CORIN: variants seen among roughly 807,000 people sequenced by gnomAD.
CORIN encodes corin, serine peptidase.
In CORIN, 117 loss-of-function variants were observed where a neutral mutation model predicts 125.3. The observed-to-expected ratio is 0.93, with a 90% CI of 0.80 to 1.09. The LOEUF (loss-of-function observed/expected upper bound fraction) is 1.09. Ranked by LOEUF, CORIN falls within the 50% of genes least tolerant of loss-of-function variation. The pLI, the probability that CORIN is intolerant of heterozygous loss-of-function variation, is 0.00. For missense variants in CORIN, 1,253 were observed against 1,306.7 expected (o/e 0.96, Z 0.63); for synonymous variants, 450 against 466.4 (o/e 0.96, Z 0.45).
At position 47,594,941 on chromosome 4, in the gene CORIN, C is replaced by T. The variant is rs1721195069; in HGVS notation, c.*780G>A. ...TTGATATACATCCAGAATGGGGGGT[C>T]CAATAATGTCAAGTGTTAATATTGA... On this transcript the variant is annotated 3_prime_UTR_variant, in exon 22 of 22. Coordinates refer to ENST00000273857, the MANE Select transcript of CORIN (RefSeq NM_006587.4). The T allele has an allele frequency of 6.6e-6, 1 of 152,056 alleles. No individual in the cohort carries two copies. The highest frequency in any genetic ancestry group is 2.4e-5 in the African/African-American group (1 of 41,402). 9.4% of individuals were successfully genotyped at this position (152,056 alleles called of 1,614,324 possible).
At chr4:47,664,706 T>C (rs1724394953) in intron 11 of CORIN, among the ~76,000 whole-genome samples, 1 of 152,174 alleles carries the variant, frequency 6.6e-6, no homozygotes, top group Non-Finnish European at 1.5e-5. Context: ...AAGAGGCAGA[T>C]ATATCCCTTT....
At chr4:47,673,947 G>T (rs139744411) in intron 10 of CORIN, among the ~76,000 whole-genome samples, 1 of 151,980 alleles carries the variant, frequency 6.6e-6, no homozygotes, top group South Asian at 2.1e-4. Context: ...CTCCAGCCTC[G>T]GTGACAGAGT....
Position 47,790,771 on chromosome 4 carries a change from C to T in CORIN, c.209-3846G>A, listed in dbSNP as rs111342985. 3.0e-3 allele frequency among the ~76,000 whole-genome samples: 459 copies of T among 152,192 alleles called. 3 individuals carry two copies. Among genetic ancestry groups the T allele is most frequent in the African/African-American group, 0.01 (425 of 41,504 alleles). ...TTACTATAAGTGGATCCCAGTGTCA[C>T]AAAATGGCTAACTTTCAGAAGTGAA... On this transcript the variant is annotated intron_variant, in intron 2 of 21. Coordinates refer to ENST00000273857, the MANE Select transcript of CORIN (RefSeq NM_006587.4).
At chr4:47,648,473 T>C (rs1389153984) in intron 13 of CORIN, among the ~76,000 whole-genome samples, 1 of 152,210 alleles carries the variant, frequency 6.6e-6, no homozygotes, top group Non-Finnish European at 1.5e-5. Context: ...TAAGCATTCA[T>C]CTGGGTTTTT....
intron 3 of CORIN, among the ~76,000 whole-genome samples, chr4:47,766,843 G>A (rs555183341): frequency 6.3e-4 from 96 of 151,698 alleles, no homozygotes; most frequent in Non-Finnish European, 1.2e-3. Flanking sequence ...CTACTCGGGA[G>A]GCTGAGGCAG....
At chr4:47,615,219 G>A (rs1475644206) in intron 19 of CORIN, among the ~76,000 whole-genome samples, 2 of 152,210 alleles carry the variant, frequency 1.3e-5, no homozygotes, top group African/African-American at 4.8e-5. Context: ...AAAGTGCTGG[G>A]ACTAGACCTT....
At chr4:47,836,946 G>T (rs1052758607) in intron 1 of CORIN, among the ~76,000 whole-genome samples, 2 of 152,372 alleles carry the variant, frequency 1.3e-5, no homozygotes, top group East Asian at 3.9e-4. Flanking sequence ...GGACCCTCGC[G>T]GTAGCAAGCG....
intron 12 of CORIN, among the ~76,000 whole-genome samples, chr4:47,656,605 A>C (rs1723997288): frequency 6.6e-6 from 1 of 152,226 alleles, no homozygotes; most frequent in Non-Finnish European, 1.5e-5. Flanking sequence ...AAAATCCCTC[A>C]AAAAACTGGG....
At chr4:47,659,897 C>T (rs1416021369) in intron 12 of CORIN, among the ~76,000 whole-genome samples, 4 of 152,068 alleles carry the variant, frequency 2.6e-5, no homozygotes, top group East Asian at 1.9e-4. Context: ...AAAGCTATCC[C>T]GAGCAAAAAG....
chr4:47,763,640 T>G, intron 3 of CORIN, 54 bp from the exon 4 acceptor site: 1 of 1,445,778 alleles, frequency 6.9e-7, no homozygotes, highest in Admixed American at 1.7e-5. Context: ...AGTATATGTT[T>G]GCAAACTCAT....
At chr4:47,670,214 T>A (rs1248700413) in intron 10 of CORIN, among the ~76,000 whole-genome samples, 1 of 152,234 alleles carries the variant, frequency 6.6e-6, no homozygotes, top group Non-Finnish European at 1.5e-5. Flanking sequence ...AGAAGCCACA[T>A]CATTCTGATT....
At chr4:47,776,501 A>C (rs980595224) in intron 3 of CORIN, among the ~76,000 whole-genome samples, 1 of 152,226 alleles carries the variant, frequency 6.6e-6, no homozygotes, top group Non-Finnish European at 1.5e-5. Flanking sequence ...AGGACATATT[A>C]TATGGTAACA....
chr4:47,640,834 G>T (rs1723205674), intron 16 of CORIN, among the ~76,000 whole-genome samples: 1 of 152,008 alleles, frequency 6.6e-6, no homozygotes, highest in South Asian at 2.1e-4. Context: ...TTATCGAGAA[G>T]AAAAATAAAA....
intron 6 of CORIN, among the ~76,000 whole-genome samples, chr4:47,689,209 G>A (rs569960628): frequency 2.0e-5 from 3 of 152,276 alleles, no homozygotes; most frequent in East Asian, 1.9e-4. Context: ...AGTCACGACC[G>A]CAAATCCTAG....
In CORIN at chr4:47,626,518, T is replaced by G. The variant is rs904378263; in HGVS notation, c.2202A>C (p.Glu734Asp). Residue 734 changes from glutamate to aspartate, a missense_variant, in exon 17 of 22, where the codon GAA becomes GAC. By Grantham distance (45) the Glu-to-Asp change is conservative. Transcript: ENST00000273857. ...CCTGTATCAATTTGGTCACAGATGG[T>G]TCTCTGATACAAGGCAAATACTGGA... ...QLACKQMGLG[E>D]PSVTKLIQEQ... 1 of 1,600,730 alleles carries G rather than the reference T, an allele frequency of 6.2e-7. No homozygotes were observed. Among genetic ancestry groups the G allele is most frequent in the Admixed American group, 1.7e-5 (1 of 59,986 alleles).
chr4:47,708,539 G>A (rs1184405873), intron 5 of CORIN, among the ~76,000 whole-genome samples: 1 of 152,158 alleles, frequency 6.6e-6, no homozygotes, highest in Non-Finnish European at 1.5e-5. Context: ...ACAGGTCCCA[G>A]GATTTAGGAC....
chr4:47,601,745 AGC>A (rs1285450481), intron 20 of CORIN, among the ~76,000 whole-genome samples: 2 of 152,204 alleles, frequency 1.3e-5, no homozygotes, highest in African/African-American at 2.4e-5. Context: ...GAGTGGTGAC[AGC>A]ATGTCTAACA....
chr4:47,659,140 C>T (rs1724133070), intron 12 of CORIN, among the ~76,000 whole-genome samples: 1 of 152,176 alleles, frequency 6.6e-6, no homozygotes, highest in East Asian at 1.9e-4. Context: ...CATCTGAGAT[C>T]TCATCAGCCT....
At chr4:47,764,579 A>G (rs1435338684) in intron 3 of CORIN, among the ~76,000 whole-genome samples, 1 of 152,242 alleles carries the variant, frequency 6.6e-6, no homozygotes, top group Non-Finnish European at 1.5e-5. Context: ...AATCATATCT[A>G]TATTATACAT....
Sources: gnomAD v4.1 joint callset for allele counts (sites outside exome capture counted in the v4.1 genomes callset) on GRCh38, gnomAD v4.1.1 for gene constraint, MANE v1.5 for transcripts, NCBI Gene and HGNC (gene_info 2026-07-23, HGNC 2026-07-21) for gene names.